NFASC: variants seen among roughly 807,000 people sequenced by gnomAD.
NFASC encodes neurofascin homolog.
In NFASC, 43 loss-of-function variants were observed where a neutral mutation model predicts 147.5. The observed-to-expected ratio is 0.29, with a 90% CI of 0.23 to 0.38. The LOEUF (loss-of-function observed/expected upper bound fraction) is 0.38, where lower values mean the gene tolerates loss of function less well. Among genes scored for constraint, NFASC ranks in the 10% least tolerant of loss-of-function variants. The pLI is 1.00. For missense variants in NFASC, 1,320 were observed against 1,689.0 expected, an observed-to-expected ratio of 0.78 and a Z score of 3.83; for synonymous variants, 622 against 665.5, an observed-to-expected ratio of 0.93 and a Z score of 1.01.
At chr1:204,861,498 C>CT (rs1430496838) in intron 1 of NFASC, among the ~76,000 whole-genome samples, 5 of 151,454 alleles carry the variant, frequency 3.3e-5, no homozygotes, top group South Asian at 2.1e-4. Flanking sequence ...CATCTCACTT[C>CT]TTTTTTTTTG....
chr1:204,832,165 A>C (rs1333390475), intron 1 of NFASC, among the ~76,000 whole-genome samples: 1 of 151,710 alleles, frequency 6.6e-6, no homozygotes, highest in Non-Finnish European at 1.5e-5. Context: ...GAACAAGGTG[A>C]ACCCGGCTAG....
At chr1:204,886,304 G>T (rs1431495802) in intron 1 of NFASC, among the ~76,000 whole-genome samples, 1 of 151,990 alleles carries the variant, frequency 6.6e-6, no homozygotes, top group Non-Finnish European at 1.5e-5. Context: ...TAAAAATTAT[G>T]ATTTTTAAAA....
In NFASC at chr1:204,997,374, C is replaced by T. The variant is rs1200123263; in HGVS notation, c.2987C>T (p.Thr996Ile). Residue 996 changes from threonine to isoleucine, a missense_variant, in exon 25 of 30, where the codon ACC becomes ATC. By Grantham distance (89) the Thr-to-Ile change is moderately conservative. Transcript: ENST00000339876. ...AATTTTESPP[T>I]TTSGTKIHES... ...ACCACCACCACGGAGAGTCCTCCCACCACCACCTCCGGGACTAAGATACAC... is the reference window on the plus strand; with the variant it reads ...ACCACCACCACGGAGAGTCCTCCCATCACCACCTCCGGGACTAAGATACAC... 1.3e-6 allele frequency: 2 copies of T among 1,553,444 alleles called. No homozygotes were observed. Among genetic ancestry groups the T allele is most frequent in the Non-Finnish European group, 8.7e-7 (1 of 1,147,912 alleles).
chr1:204,901,413 C>T (rs1404971271), intron 1 of NFASC, among the ~76,000 whole-genome samples: 2 of 152,092 alleles, frequency 1.3e-5, no homozygotes, highest in Non-Finnish European at 2.9e-5. Context: ...GGCAGTATTC[C>T]AGATGCTAAG....
intron 27 of NFASC, among the ~76,000 whole-genome samples, chr1:205,006,021 G>A (rs1424860957): frequency 2.0e-5 from 3 of 152,202 alleles, no homozygotes; most frequent in Non-Finnish European, 1.5e-5. Context: ...GGTGCAACTA[G>A]GCCATTGACT....
At chr1:204,950,690 C>A (rs899328682) in intron 4 of NFASC, 116 bp downstream of exon 4, 2 of 920,802 alleles carry the variant, frequency 2.2e-6, no homozygotes, top group East Asian at 5.2e-5. Flanking sequence ...CTCTTCATAC[C>A]AGAGCCCTGT....
intron 1 of NFASC, among the ~76,000 whole-genome samples, chr1:204,911,457 A>G (rs938999544): frequency 5.3e-5 from 8 of 152,182 alleles, no homozygotes; most frequent in Non-Finnish European, 7.3e-5. Flanking sequence ...GCCTAAAGCA[A>G]TCCTCGTGCC....
At chr1:204,959,416 G>A (rs2094564358) in intron 8 of NFASC, among the ~76,000 whole-genome samples, 2 of 152,224 alleles carry the variant, frequency 1.3e-5, no homozygotes, top group Admixed American at 1.3e-4. Context: ...TGGTTTGTCT[G>A]CAGTGTCTCC....
At position 205,017,202 on chromosome 1, in the gene NFASC, A is replaced by G. The variant is rs1448884799; in HGVS notation, c.*663A>G. On this transcript the variant is annotated 3_prime_UTR_variant, in exon 30 of 30. Transcript: ENST00000339876. The stretch of plus-strand genomic sequence containing the variant: ...GCTGGGCTTGGCTCCTTTCTGGAAA[A>G]TGACAGTATTTTTGGCAGGGAGAAG... 1.2e-5 allele frequency: 2 copies of G among 162,634 alleles called. No homozygotes were observed. The highest frequency in any genetic ancestry group is 2.7e-5 in the Non-Finnish European group (2 of 73,316). 10.1% of individuals were successfully genotyped at this position (162,634 alleles called of 1,614,324 possible). A position where few individuals can be genotyped will look rare whatever the true frequency, so the allele number is the denominator to read the frequency against.
intron 2 of NFASC, among the ~76,000 whole-genome samples, chr1:204,941,370 T>C (rs1174669573): frequency 6.6e-6 from 1 of 152,254 alleles, no homozygotes; most frequent in Non-Finnish European, 1.5e-5. Flanking sequence ...AAATAGTGAA[T>C]TTAAAATATC....
chr1:204,966,623 T>C (rs1558283613), intron 8 of NFASC, among the ~76,000 whole-genome samples: 3 of 152,206 alleles, frequency 2.0e-5, no homozygotes, highest in Non-Finnish European at 4.4e-5. Flanking sequence ...AACCACATAA[T>C]GGATTAACCC....
rs982126229 is a variant in NFASC at position 204,909,911 on chromosome 1, G to GT, written c.-199-10711dup. Among the ~76,000 whole-genome samples, 740 of 147,094 alleles carry GT rather than the reference G, an allele frequency of 5.0e-3. 3 individuals carry two copies. Among genetic ancestry groups the GT allele is most frequent in the African/African-American group, 0.017 (697 of 40,206 alleles). ...AAGTATATGTGTGTTTCTATTTTGG[G>GT]TTTTTTTTTTAATTATGTTCCATTG... On this transcript the variant is annotated intron_variant, in intron 1 of 29. Coordinates refer to ENST00000339876, the MANE Select transcript of NFASC (RefSeq NM_001005388.3).
rs776903316 is a variant in NFASC, at chr1:204,973,379, G to A, written c.1239G>A (p.Glu413=). ...TGTACCAGTGCAACACCTCCAACGA[G>A]CATGGCTACCTGCTGGCCAACGCCT... The part of the protein sequence containing the change: ...RAVYQCNTSN[E]HGYLLANAFV... Residue 413 remains glutamate, a synonymous_variant, in exon 12 of 30, where the codon GAG becomes GAA. Coordinates refer to ENST00000339876, the MANE Select transcript of NFASC (RefSeq NM_001005388.3). The A allele has an allele frequency of 6.2e-7, 1 of 1,614,278 alleles. No individual in the cohort carries two copies. The highest frequency in any genetic ancestry group is 8.5e-7 in the Non-Finnish European group (1 of 1,180,058).
chr1:205,006,957 A>C (rs1329325497), intron 27 of NFASC, among the ~76,000 whole-genome samples: 1 of 129,406 alleles, frequency 7.7e-6, no homozygotes, highest in African/African-American at 2.5e-5. Flanking sequence ...GATGAGAGTT[A>C]AGGAGGTGGA....
intron 1 of NFASC, among the ~76,000 whole-genome samples, chr1:204,851,062 ATT>A (rs2075638529): frequency 1.3e-5 from 2 of 152,214 alleles, no homozygotes; most frequent in Non-Finnish European, 2.9e-5. Context: ...AAAAGTGATA[ATT>A]ATATCTGAAG....
At chr1:204,888,625 CTT>C (rs1557991003) in intron 1 of NFASC, among the ~76,000 whole-genome samples, 1 of 152,188 alleles carries the variant, frequency 6.6e-6, no homozygotes. Flanking sequence ...CTCGCATAAA[CTT>C]TGTTTAATAC....
intron 1 of NFASC, among the ~76,000 whole-genome samples, chr1:204,844,240 G>A (rs1676316231): frequency 6.6e-6 from 1 of 152,190 alleles, no homozygotes; most frequent in African/African-American, 2.4e-5. Context: ...GTTAAGTAGG[G>A]CTTACCCTTC....
chr1:204,945,882 C>T (rs2093693667), intron 3 of NFASC, among the ~76,000 whole-genome samples: 1 of 152,168 alleles, frequency 6.6e-6, no homozygotes, highest in South Asian at 2.1e-4. Context: ...GTGGTGAAGG[C>T]TCATTTCTCT....
Position 204,976,638 on chromosome 1 carries a change from C to A in NFASC, c.1707-33C>A, listed in dbSNP as rs768707993. 13 of 1,555,444 alleles carry A rather than the reference C, an allele frequency of 8.4e-6. 1 individual carries two copies. The South Asian group carries it at 1.3e-4, about 15-fold the overall frequency. ...GGCAGGACTCAGCACTCCCCTACCC[C>A]CTCCTCCCAACCCTTCCTCGGTACC... On this transcript the variant is annotated intron_variant, in intron 15 of 29. Coordinates refer to ENST00000339876, the MANE Select transcript of NFASC (RefSeq NM_001005388.3).
Sources: gnomAD v4.1 joint callset for allele counts (sites outside exome capture counted in the v4.1 genomes callset) on GRCh38, gnomAD v4.1.1 for gene constraint, MANE v1.5 for transcripts, NCBI Gene and HGNC (gene_info 2026-07-23, HGNC 2026-07-21) for gene names.